Variants in KLHL36 observed in about 807,000 individuals in gnomAD.
KLHL36 encodes kelch like family member 36, also known as kelch-like protein 36.
In KLHL36, 35 loss-of-function variants were observed where a neutral mutation model predicts 53.3. That is an observed-to-expected ratio of 0.66 (90% CI 0.50 to 0.87). KLHL36 has a LOEUF of 0.87. KLHL36 is among the 40% of genes least tolerant of loss of function. The pLI, the probability that KLHL36 is intolerant of heterozygous loss-of-function variation, is 0.00. For synonymous variants in KLHL36, 472 were observed against 398.9 expected, an observed-to-expected ratio of 1.18 and a Z score of -2.18; for missense variants, 864 against 897.6, an observed-to-expected ratio of 0.96 and a Z score of 0.48.
rs772884201 is a variant in KLHL36, at chr16:84,661,593, C to T, written c.1311C>T (p.His437=). Residue 437 remains histidine (H), a synonymous_variant, in exon 5 of 5, where the codon CAC becomes CAT. Coordinates refer to ENST00000564996, the MANE Select transcript of KLHL36 (RefSeq NM_024731.4). This position sits in a 1 kb window ranked among gnomAD's most constrained non-coding sequence, Gnocchi z 7.9. Reference sequence around the variant, plus strand: ...GACCCTGCAGGTTCACGTACGGCCACGCGGGCACCATCTACAAAGACTTCG... The same window carrying T: ...GACCCTGCAGGTTCACGTACGGCCATGCGGGCACCATCTACAAAGACTTCG... ...VAGLPRFTYG[H]AGTIYKDFVY... is the part of the protein sequence containing the mutation. 15 of 1,596,858 alleles carry T rather than the reference C, an allele frequency of 9.4e-6. No individual in the cohort carries two copies. The highest frequency in any genetic ancestry group is 4.5e-5 in the East Asian group (2 of 44,600).
At chr16:84,654,259 C>T (rs1339397892) in intron 2 of KLHL36, among the ~76,000 whole-genome samples, 3 of 152,234 alleles carry the variant, frequency 2.0e-5, no homozygotes, top group African/African-American at 7.2e-5. Context: ...GACTTGATCA[C>T]CGCCACTGTA....
rs758692556 is a variant in KLHL36, at chr16:84,657,000, G to A, written c.193G>A (p.Ala65Thr). The change falls in exon 3 of 5, where the codon GCC becomes ACC. Residue 65 changes from alanine (A) to threonine (T), a missense_variant. Physicochemically the swap from Ala to Thr is moderately conservative, Grantham distance 58. Transcript: ENST00000564996. The stretch of plus-strand genomic sequence containing the variant: ...TGTGCCAGCCCATCGCAACCTGCTG[G>A]CCGTGTGCAGCGACTACTTCAACTC... Reference protein sequence around the residue: ...QRVPAHRNLLAVCSDYFNSMF... With the variant: ...QRVPAHRNLLTVCSDYFNSMF... 6.2e-7 allele frequency: 1 copy of A among 1,614,116 alleles called. No homozygotes were observed. The highest frequency in any genetic ancestry group is 8.5e-7 in the Non-Finnish European group (1 of 1,180,046).
chr16:84,662,084 A>T lies in KLHL36; in HGVS notation c.1802A>T (p.Asp601Val). 3 of 1,573,598 alleles carry T rather than the reference A, an allele frequency of 1.9e-6. No homozygotes were observed. The highest frequency in any genetic ancestry group is 2.6e-6 in the Non-Finnish European group (3 of 1,158,218). The change falls in exon 5 of 5, where the codon GAC becomes GTC. Residue 601 changes from aspartate to valine, a missense_variant. Coordinates refer to ENST00000564996, the MANE Select transcript of KLHL36 (RefSeq NM_024731.4). ...CVCALEPRPE[D>V]KKKKGKGKRH... Reference sequence around the variant, plus strand: ...TGCGCCCTGGAGCCACGGCCAGAGGACAAGAAGAAGAAAGGCAAAGGCAAG... The same window carrying T: ...TGCGCCCTGGAGCCACGGCCAGAGGTCAAGAAGAAGAAAGGCAAAGGCAAG...
intron 2 of KLHL36, among the ~76,000 whole-genome samples, chr16:84,651,604 T>A (rs1010921929): frequency 1.3e-5 from 2 of 152,198 alleles, no homozygotes; most frequent in African/African-American, 4.8e-5. Flanking sequence ...GTTATAAATA[T>A]TCGTAATGCC....
At chr16:84,659,945 C>T (rs768706251) in intron 4 of KLHL36, 28 bp downstream of exon 4, 1 of 1,591,654 alleles carries the variant, frequency 6.3e-7, no homozygotes, top group Non-Finnish European at 8.6e-7. Flanking sequence ...GGAAGGTTCT[C>T]CAAATGGGAT....
rs1412331358 is a variant in KLHL36 at position 84,657,683 on chromosome 16, C to T, written c.876C>T (p.Thr292=). 6.2e-7 allele frequency: 1 copy of T among 1,612,720 alleles called. No homozygotes were observed. Among genetic ancestry groups the T allele is most frequent in the Admixed American group, 1.7e-5 (1 of 60,010 alleles). Residue 292 remains threonine (T), a synonymous_variant, in exon 3 of 5, where the codon ACC becomes ACT. Coordinates refer to ENST00000564996, the MANE Select transcript of KLHL36 (RefSeq NM_024731.4). ...AGACCAAGCGCACGGCGCTGCGCAC[C>T]AACCAGGAGCGCCTGCTGTTTGTGG... The part of the protein sequence containing the change: ...VMQTKRTALR[T]NQERLLFVGG...
intron 1 of KLHL36, chr16:84,649,297 C>A (rs1308856316): frequency 6.6e-6 from 1 of 152,290 alleles, no homozygotes; most frequent in Non-Finnish European, 1.5e-5. Context: ...AGGGAGCCTC[C>A]GGCCCCGCGA....
chr16:84,658,780 C>T (rs1907374250), intron 3 of KLHL36: 2 of 152,132 alleles, frequency 1.3e-5, no homozygotes, highest in African/African-American at 4.8e-5. Context: ...CAGCGTCGCG[C>T]CCAGCTCAGT....
intron 3 of KLHL36, chr16:84,658,147 C>A: frequency 2.0e-6 from 1 of 490,360 alleles, no homozygotes. Context: ...TTCGAGGGGT[C>A]CGTCATCGTT....
At chr16:84,651,628 A>AG (rs1906888005) in intron 2 of KLHL36, among the ~76,000 whole-genome samples, 1 of 152,154 alleles carries the variant, frequency 6.6e-6, no homozygotes, top group African/African-American at 2.4e-5. Context: ...TGTTCTTTAG[A>AG]GGTATCCCTT....
rs1164540230 is a variant in KLHL36 at position 84,662,430 on chromosome 16, T to C, written c.*297T>C. The C allele has an allele frequency of 8.0e-6, 2 of 249,620 alleles. No individual in the cohort carries two copies. The highest frequency in any genetic ancestry group is 9.9e-5 in the Admixed American group (2 of 20,214). 15.5% of individuals were successfully genotyped at this position (249,620 alleles called of 1,614,324 possible). A position where few individuals can be genotyped will look rare whatever the true frequency, so the allele number is the denominator to read the frequency against. On this transcript the variant is annotated 3_prime_UTR_variant, in exon 5 of 5. Transcript: ENST00000564996. ...TCCTTGCTGACTGTCCCCCTGAGAG[T>C]AGCTGGCACGTGGGTAACACAGAAA...
At position 84,662,315 on chromosome 16, in the gene KLHL36, T is replaced by C. The variant is rs973458274; in HGVS notation, c.*182T>C. 4 of 606,520 alleles carry C rather than the reference T, an allele frequency of 6.6e-6. No individual in the cohort carries two copies. Among genetic ancestry groups the C allele is most frequent in the Non-Finnish European group, 1.1e-5 (4 of 362,878 alleles). 37.6% of individuals were successfully genotyped at this position (606,520 alleles called of 1,614,324 possible). A position where few individuals can be genotyped will look rare whatever the true frequency, so the allele number is the denominator to read the frequency against. On this transcript the variant is annotated 3_prime_UTR_variant, in exon 5 of 5. Coordinates refer to ENST00000564996, the MANE Select transcript of KLHL36 (RefSeq NM_024731.4). The stretch of plus-strand genomic sequence containing the variant: ...TAAATACTATCTGTAACTTTACATA[T>C]CTTGCTTGAATAACTAACCCTGGGC...
At chr16:84,660,215 G>A (rs902653351) in intron 4 of KLHL36, among the ~76,000 whole-genome samples, 1 of 152,188 alleles carries the variant, frequency 6.6e-6, no homozygotes, top group African/African-American at 2.4e-5. Context: ...GGATCTCCCT[G>A]AGCTTGGGCA....
chr16:84,661,116 G>A lies in KLHL36; in HGVS notation c.1296-462G>A, dbSNP rs1397549423. Among the ~76,000 whole-genome samples, 1 of 152,102 alleles carries A rather than the reference G, an allele frequency of 6.6e-6. No individual in the cohort carries two copies. The highest frequency in any genetic ancestry group is 1.5e-5 in the Non-Finnish European group (1 of 68,030). On this transcript the variant is annotated intron_variant, in intron 4 of 4. Coordinates refer to ENST00000564996, the MANE Select transcript of KLHL36 (RefSeq NM_024731.4). This position sits in a 1 kb window ranked among gnomAD's most constrained non-coding sequence, Gnocchi z 7.9. Reference sequence around the variant, plus strand: ...CTCCCTCCCCTCTCCCCACAGTCCTGGCAGCCACTGATTTTGCTGTCTCTA... The same window carrying A: ...CTCCCTCCCCTCTCCCCACAGTCCTAGCAGCCACTGATTTTGCTGTCTCTA...
chr16:84,663,340 A>G lies in KLHL36; in HGVS notation c.*1207A>G, dbSNP rs1463155630. The stretch of plus-strand genomic sequence containing the variant: ...TCTGAGCTGTTCGTACCCGGATGGC[A>G]TCCCCTTCAGGATGTGGAGCTGGCC... On this transcript the variant is annotated 3_prime_UTR_variant, in exon 5 of 5. Coordinates refer to ENST00000564996, the MANE Select transcript of KLHL36 (RefSeq NM_024731.4). 3 of 152,438 alleles carry G rather than the reference A, an allele frequency of 2.0e-5. No individual in the cohort carries two copies. The highest frequency in any genetic ancestry group is 2.1e-4 in the South Asian group (1 of 4,828). The allele number at this position is 152,438 out of a possible 1,614,324, so 9.4% of individuals were successfully genotyped here. A position where few individuals can be genotyped will look rare whatever the true frequency, so the allele number is the denominator to read the frequency against.
At chr16:84,660,470 C>T (rs1907481565) in intron 4 of KLHL36, among the ~76,000 whole-genome samples, 2 of 152,166 alleles carry the variant, frequency 1.3e-5, no homozygotes, top group Admixed American at 1.3e-4. Flanking sequence ...ATGTATCGAG[C>T]ATTTATTATC....
At chr16:84,652,950 G>A (rs1906986369) in intron 2 of KLHL36, among the ~76,000 whole-genome samples, 1 of 152,158 alleles carries the variant, frequency 6.6e-6, no homozygotes, top group African/African-American at 2.4e-5. Flanking sequence ...AGGCACAGTG[G>A]CTCACGCCTG....
Position 84,661,705 on chromosome 16 carries a change from G to C in KLHL36, c.1423G>C (p.Glu475Gln). ...CGACCACCGGACAGACGTGTGGGAG[G>C]AGCGGCGGCCCATGACCACGGCGCG... is the stretch of plus-strand genomic sequence containing the variant. ...CYDHRTDVWE[E>Q]RRPMTTARGW... Residue 475 changes from glutamate (E) to glutamine (Q), a missense_variant, in exon 5 of 5, where the codon GAG becomes CAG. By Grantham distance (29) the Glu-to-Gln change is conservative. Coordinates refer to ENST00000564996, the MANE Select transcript of KLHL36 (RefSeq NM_024731.4). The surrounding 1 kb of genome is among the most constrained non-coding windows in gnomAD (Gnocchi z 7.9). The C allele has an allele frequency of 6.2e-7, 1 of 1,613,656 alleles. No homozygotes were observed. Among genetic ancestry groups the C allele is most frequent in the Non-Finnish European group, 8.5e-7 (1 of 1,180,002 alleles).
rs1907718958 is a variant in KLHL36 at position 84,664,279 on chromosome 16, A to G, written c.*2146A>G. 1 of 152,242 alleles carries G rather than the reference A, an allele frequency of 6.6e-6. No individual in the cohort carries two copies. The highest frequency in any genetic ancestry group is 1.5e-5 in the Non-Finnish European group (1 of 68,056). The allele number at this position is 152,242 out of a possible 1,614,324, so 9.4% of individuals were successfully genotyped here. On this transcript the variant is annotated 3_prime_UTR_variant, in exon 5 of 5. Coordinates refer to ENST00000564996, the MANE Select transcript of KLHL36 (RefSeq NM_024731.4). ...CCCCATCTCAGCCTGGGTCATGAAC[A>G]AACGGGCAGTTGTTTGGCCTGAATC...
Sources: allele counts gnomAD v4.1 joint callset (sites outside exome capture counted in the v4.1 genomes callset), GRCh38; gene constraint gnomAD v4.1.1; non-coding constraint Gnocchi (gnomAD v3.1); transcripts MANE v1.5; gene names NCBI Gene and HGNC (gene_info 2026-07-23, HGNC 2026-07-21).